Variants in TMEM132B observed in about 807,000 individuals in gnomAD.
The protein encoded by TMEM132B is transmembrane protein 132B.
A neutral mutation model predicts 90.8 loss-of-function variants in TMEM132B; 18 were observed. The ratio of observed to expected loss-of-function variants is 0.20; its 90% confidence interval spans 0.14 to 0.29. The LOEUF (loss-of-function observed/expected upper bound fraction) is 0.29. TMEM132B is among the 10% of genes least tolerant of loss of function. TMEM132B has a pLI of 1.00. For synonymous variants in TMEM132B, 504 were observed against 523.3 expected (o/e 0.96, Z 0.50); for missense variants, 1,096 against 1,326.8 (o/e 0.83, Z 2.70).
intron 4 of TMEM132B, among the ~76,000 whole-genome samples, chr12:125,520,359 C>T (rs1386564965): frequency 6.6e-6 from 1 of 152,198 alleles, no homozygotes; most frequent in Non-Finnish European, 1.5e-5. Context: ...CTTGACTTTC[C>T]TGTCTGGTAC....
chr12:125,556,673 G>A (rs7310435), intron 4 of TMEM132B, among the ~76,000 whole-genome samples: 81,261 of 152,094 alleles, frequency 0.53, 24,735 homozygotes, highest in Middle Eastern at 0.77. Context: ...ATCAGGGCGA[G>A]CTTCTTTGAG....
chr12:125,261,565 T>C (rs1428516311), intron 1 of TMEM132B, among the ~76,000 whole-genome samples: 1 of 152,230 alleles, frequency 6.6e-6, no homozygotes, highest in East Asian at 1.9e-4. Flanking sequence ...CAGGATGTAT[T>C]ATCTGAAACT....
intron 4 of TMEM132B, among the ~76,000 whole-genome samples, chr12:125,565,740 A>G (rs987511339): frequency 2.6e-5 from 4 of 152,128 alleles, no homozygotes; most frequent in African/African-American, 9.7e-5. Context: ...TCTCTGCTGC[A>G]CTATTATGCT....
chr12:125,253,469 C>G (rs1167785156), intron 1 of TMEM132B, among the ~76,000 whole-genome samples: 1 of 143,216 alleles, frequency 7.0e-6, no homozygotes, highest in South Asian at 2.2e-4. Context: ...GGGTCTCACT[C>G]TGTCGCCCAG....
intron 1 of TMEM132B, among the ~76,000 whole-genome samples, chr12:125,306,948 GA>G (rs5801591): frequency 0.084 from 12,836 of 152,232 alleles, 610 homozygotes; most frequent in Non-Finnish European, 0.1. Flanking sequence ...GCTAGCCTTG[GA>G]AACACCCTGG....
intron 5 of TMEM132B, among the ~76,000 whole-genome samples, chr12:125,591,110 A>G (rs717808): frequency 0.019 from 2,951 of 152,234 alleles, 37 homozygotes; most frequent in Non-Finnish European, 0.031. Flanking sequence ...TATTGTTCCT[A>G]TGATTTTCCC....
chr12:125,274,226 C>A (rs1051996462), intron 1 of TMEM132B, among the ~76,000 whole-genome samples: 1 of 152,188 alleles, frequency 6.6e-6, no homozygotes, highest in African/African-American at 2.4e-5. Context: ...CAGTGATTCA[C>A]CCCCTTCTAC....
Position 125,620,775 on chromosome 12 carries a change from G to A in TMEM132B, c.1438-23301G>A, listed in dbSNP as rs544127268. 4.6e-5 allele frequency among the ~76,000 whole-genome samples: 7 copies of A among 152,202 alleles called. No homozygotes were observed. In the South Asian group the frequency reaches 1.0e-3, roughly 23 times the overall value. ...TGGTGGCAGGAAGGAGAAGTAACAAGCAAAAAGGGAAAAAAGCCCTTTATA... is the reference window on the plus strand; with the variant it reads ...TGGTGGCAGGAAGGAGAAGTAACAAACAAAAAGGGAAAAAAGCCCTTTATA... On this transcript the variant is annotated intron_variant, in intron 5 of 8. Coordinates refer to ENST00000682704, the MANE Select transcript of TMEM132B (RefSeq NM_001366854.1).
intron 1 of TMEM132B, among the ~76,000 whole-genome samples, chr12:125,196,323 G>A (rs763108780): frequency 1.8e-4 from 27 of 152,226 alleles, no homozygotes; most frequent in African/African-American, 6.5e-4. Flanking sequence ...AACTTCATCC[G>A]TGAGTTGGGC....
chr12:125,510,884 TC>T (rs2136630413), intron 3 of TMEM132B, among the ~76,000 whole-genome samples: 1 of 152,378 alleles, frequency 6.6e-6, no homozygotes, highest in South Asian at 2.1e-4. Flanking sequence ...TACTCTCATT[TC>T]CTTCTATTTA....
At chr12:125,600,869 G>A (rs1333935762) in intron 5 of TMEM132B, among the ~76,000 whole-genome samples, 1 of 152,134 alleles carries the variant, frequency 6.6e-6, no homozygotes, top group Non-Finnish European at 1.5e-5. Context: ...AAAAGACAAA[G>A]AAGGGCATTA....
At chr12:125,553,508 G>A (rs1165292090) in intron 4 of TMEM132B, among the ~76,000 whole-genome samples, 1 of 152,210 alleles carries the variant, frequency 6.6e-6, no homozygotes, top group Non-Finnish European at 1.5e-5. Context: ...GCTCAGGGGA[G>A]GCTCTGAAGT....
intron 2 of TMEM132B, among the ~76,000 whole-genome samples, chr12:125,384,091 C>A (rs1436196505): frequency 1.3e-5 from 2 of 152,092 alleles, no homozygotes; most frequent in African/African-American, 4.8e-5. Context: ...GGATTACAGG[C>A]GTGTGCCACC....
intron 1 of TMEM132B, among the ~76,000 whole-genome samples, chr12:125,231,901 C>T (rs1267730192): frequency 6.6e-6 from 1 of 150,728 alleles, no homozygotes; most frequent in Non-Finnish European, 1.5e-5. Flanking sequence ...CCCACCAAAA[C>T]TCAGTCTTTC....
chr12:125,632,905 C>T (rs1886399093), intron 5 of TMEM132B, among the ~76,000 whole-genome samples: 1 of 151,964 alleles, frequency 6.6e-6, no homozygotes, highest in African/African-American at 2.4e-5. Flanking sequence ...TGTTTTATAA[C>T]CTTCTTGTAC....
intron 2 of TMEM132B, among the ~76,000 whole-genome samples, chr12:125,367,663 G>T (rs1003477805): frequency 6.6e-6 from 1 of 152,060 alleles, no homozygotes; most frequent in South Asian, 2.1e-4. Flanking sequence ...CAAAAATGGG[G>T]GAAATTCTTC....
chr12:125,194,274 G>A (rs1235957636), intron 1 of TMEM132B, among the ~76,000 whole-genome samples: 1 of 152,050 alleles, frequency 6.6e-6, no homozygotes, highest in Non-Finnish European at 1.5e-5. Flanking sequence ...CCGTTGGTGG[G>A]GGGGTCTTAC....
chr12:125,623,535 T>C (rs12313179), intron 5 of TMEM132B, among the ~76,000 whole-genome samples: 2,819 of 152,100 alleles, frequency 0.019, 105 homozygotes, highest in African/African-American at 0.065. Context: ...AAGGTCAGGT[T>C]ATGGGGGTCA....
At chr12:125,280,681 G>A (rs1875137370) in intron 1 of TMEM132B, among the ~76,000 whole-genome samples, 1 of 152,238 alleles carries the variant, frequency 6.6e-6, no homozygotes, top group Non-Finnish European at 1.5e-5. Context: ...GGCCAGAGTA[G>A]TCACATGACC....
Sources: allele counts gnomAD v4.1 joint callset (sites outside exome capture counted in the v4.1 genomes callset), GRCh38; gene constraint gnomAD v4.1.1; transcripts MANE v1.5; gene names NCBI Gene and HGNC (gene_info 2026-07-23, HGNC 2026-07-21).